Variants in SFI1 observed in about 807,000 individuals in gnomAD.
The protein encoded by SFI1 is SFI1 centrin binding protein, also known as protein SFI1 homolog.
SFI1 carries 195 observed loss-of-function variants against 207.5 expected under a neutral mutation model. The ratio of observed to expected loss-of-function variants is 0.94; its 90% CI spans 0.84 to 1.06. The LOEUF (loss-of-function observed/expected upper bound fraction) is 1.06, where lower values mean the gene tolerates loss of function less well. SFI1 is among the 50% of genes least tolerant of loss of function. The pLI, the probability that SFI1 is intolerant of heterozygous loss-of-function variation, is 0.00. For missense variants in SFI1, 1,634 were observed against 1,588.0 expected (o/e 1.03, Z -0.49); for synonymous variants, 630 against 598.9 (o/e 1.05, Z -0.76).
intron 29 of SFI1, chr22:31,615,518 A>T: frequency 2.5e-6 from 1 of 405,152 alleles, no homozygotes; most frequent in Non-Finnish European, 4.3e-6. Flanking sequence ...AGCAAAGAAA[A>T]ACCCCTGCCT....
At chr22:31,600,286 T>C (rs2067896704) in intron 15 of SFI1, among the ~76,000 whole-genome samples, 1 of 152,252 alleles carries the variant, frequency 6.6e-6, no homozygotes, top group Non-Finnish European at 1.5e-5. Flanking sequence ...ATTTTCCCTT[T>C]CCAGTGTTCC....
intron 12 of SFI1, among the ~76,000 whole-genome samples, chr22:31,581,897 G>A (rs961139218): frequency 6.6e-6 from 1 of 151,706 alleles, no homozygotes; most frequent in South Asian, 2.1e-4. Context: ...ATGACACTTT[G>A]CACCTAAATA....
intron 6 of SFI1, among the ~76,000 whole-genome samples, chr22:31,554,863 T>C (rs901693342): frequency 5.9e-5 from 9 of 152,158 alleles, no homozygotes; most frequent in Admixed American, 5.9e-4. Flanking sequence ...TAAGTTATAT[T>C]TCTGTTTTCA....
chr22:31,508,806 A>G (rs2055052974), intron 2 of SFI1, among the ~76,000 whole-genome samples: 1 of 152,058 alleles, frequency 6.6e-6, no homozygotes, highest in Admixed American at 6.6e-5. Context: ...GGGTTTTGGT[A>G]ATTGTTCCCT....
chr22:31,524,405 A>G (rs757488549), intron 2 of SFI1, among the ~76,000 whole-genome samples: 2 of 151,360 alleles, frequency 1.3e-5, no homozygotes, highest in African/African-American at 2.4e-5. Flanking sequence ...AGAAATGTCT[A>G]TTCAGAGAAT....
At chr22:31,525,053 G>A (rs538786530) in intron 2 of SFI1, among the ~76,000 whole-genome samples, 28 of 151,886 alleles carry the variant, frequency 1.8e-4, no homozygotes, top group Middle Eastern at 3.4e-3. Context: ...CTTGGCCTCC[G>A]AAACTGCTGG....
chr22:31,544,502 T>G (rs1479681606), intron 4 of SFI1, among the ~76,000 whole-genome samples: 2 of 152,164 alleles, frequency 1.3e-5, no homozygotes, highest in South Asian at 4.2e-4. Flanking sequence ...GTTTGAAAAG[T>G]CAGATTTTGG....
intron 15 of SFI1, among the ~76,000 whole-genome samples, chr22:31,596,137 C>T (rs546775419): frequency 1.3e-5 from 2 of 152,140 alleles, no homozygotes; most frequent in Admixed American, 1.3e-4. Context: ...CTTATAATCC[C>T]AGCTACTCCG....
At chr22:31,575,114 GTGT>G in intron 9 of SFI1, 114 bp from the exon 10 acceptor site, 1 of 589,982 alleles carries the variant, frequency 1.7e-6, no homozygotes, top group Non-Finnish European at 2.8e-6. Flanking sequence ...GTGTGTGTGT[GTGT>G]GTGTGGCCTT....
At chr22:31,528,994 G>C in intron 3 of SFI1, 131 bp downstream of exon 3, 2 of 863,572 alleles carry the variant, frequency 2.3e-6, no homozygotes, top group Non-Finnish European at 3.5e-6. Flanking sequence ...CTTGGTAGTA[G>C]AATGTTCAGA....
At position 31,528,712 on chromosome 22, in the gene SFI1, A is replaced by G; in HGVS notation, c.115A>G (p.Lys39Glu). ...DSRYFKDGAV[K>E]KPYSAKTLSN... ...AAGGTATTTTAAGGATGGTGCAGTT[A>G]AGAAACCTTATTCTGCAAAGACACT... Residue 39 changes from lysine to glutamate, a missense_variant, in exon 3 of 33, where the codon AAG (lysine) becomes GAG (glutamate). Lys to Glu is a moderately conservative substitution (Grantham distance 56). Transcript: ENST00000400288. 1.9e-6 allele frequency: 3 copies of G among 1,614,112 alleles called. No homozygotes were observed. The highest frequency in any genetic ancestry group is 2.5e-6 in the Non-Finnish European group (3 of 1,179,998).
intron 10 of SFI1, among the ~76,000 whole-genome samples, chr22:31,575,605 AC>A (rs1269302059): frequency 2.6e-5 from 4 of 152,202 alleles, no homozygotes; most frequent in Non-Finnish European, 5.9e-5. Context: ...AAAATGAACA[AC>A]TATATATCTT....
At chr22:31,503,999 A>T (rs1352313917) in intron 1 of SFI1, among the ~76,000 whole-genome samples, 2 of 152,016 alleles carry the variant, frequency 1.3e-5, no homozygotes, top group Non-Finnish European at 2.9e-5. Context: ...TTTCCAGTAT[A>T]TGTGTATTTT....
intron 2 of SFI1, among the ~76,000 whole-genome samples, chr22:31,516,697 G>A (rs1433795418): frequency 6.6e-6 from 1 of 151,940 alleles, no homozygotes; most frequent in African/African-American, 2.4e-5. Context: ...GTTCATGCCT[G>A]TAATCCCAGC....
chr22:31,587,154 C>A (rs926961818), intron 14 of SFI1, among the ~76,000 whole-genome samples: 2 of 152,018 alleles, frequency 1.3e-5, no homozygotes, highest in Non-Finnish European at 2.9e-5. Flanking sequence ...ATATTCAGAC[C>A]TTTTTTTCTT....
At position 31,615,353 on chromosome 22, in the gene SFI1, C is replaced by T. The variant is rs555359962; in HGVS notation, c.3300+74C>T. ...TGACTTCTGGTGCTTTCTCATGCCA[C>T]AGCTGTACTAGTTTCTGGAAAACCT... On this transcript the variant is annotated intron_variant, in intron 29 of 32. Coordinates refer to ENST00000400288, the MANE Select transcript of SFI1 (RefSeq NM_001007467.3). The T allele has an allele frequency of 1.2e-5, 16 of 1,314,148 alleles. 1 individual carries two copies. In the South Asian group the frequency reaches 2.1e-4, roughly 17 times the overall value. The allele number at this position is 1,314,148 out of a possible 1,614,324, so 81.4% of individuals were successfully genotyped here.
chr22:31,548,015 C>G (rs966296795), intron 5 of SFI1, among the ~76,000 whole-genome samples: 1 of 150,992 alleles, frequency 6.6e-6, no homozygotes, highest in Middle Eastern at 3.4e-3. Flanking sequence ...GAGATCGAGA[C>G]CATCCTGGCT....
chr22:31,580,542 CTTTTTTT>C lies in SFI1; in HGVS notation c.1248+192_1248+198del, dbSNP rs11347645. On this transcript the variant is annotated intron_variant, in intron 12 of 32. Transcript: ENST00000400288. ...GCATTTTCTTTCTTTCTTTTCTTTT[CTTTTTTT>C]TTTTTTTTTTTTTGAGACAGTCTTT... Among the ~76,000 whole-genome samples, 823 of 117,292 alleles carry C rather than the reference CTTTTTTT, an allele frequency of 7.0e-3. 12 individuals carry two copies. The highest frequency in any genetic ancestry group is 0.024 in the African/African-American group (767 of 31,626). 76.9% of individuals were successfully genotyped at this position (117,292 alleles called of 152,430 possible). A position where few individuals can be genotyped will look rare whatever the true frequency, so the allele number is the denominator to read the frequency against.
intron 4 of SFI1, among the ~76,000 whole-genome samples, chr22:31,532,763 G>A (rs1315167987): frequency 2.0e-5 from 3 of 152,144 alleles, no homozygotes; most frequent in Non-Finnish European, 2.9e-5. Context: ...CTGCCCATGT[G>A]TGGTAAATCA....
Sources: allele counts gnomAD v4.1 joint callset (sites outside exome capture counted in the v4.1 genomes callset), GRCh38; gene constraint gnomAD v4.1.1; transcripts MANE v1.5; gene names NCBI Gene and HGNC (gene_info 2026-07-23, HGNC 2026-07-21).